Variants in TPPP2 observed in about 807,000 individuals in gnomAD.
TPPP2 encodes the protein tubulin polymerization promoting protein family member 2.
Under a neutral mutation model 13.0 loss-of-function variants are expected in TPPP2, and 8 were observed. That is an observed-to-expected ratio of 0.62 (90% CI 0.36 to 1.11). The LOEUF is 1.11. Ranked by LOEUF, TPPP2 falls within the 50% of genes most tolerant of loss-of-function variation. The probability of loss-of-function intolerance (pLI) is 0.02; values close to 1 mark genes in which losing one functional copy is unlikely to be tolerated. For synonymous variants in TPPP2, 81 were observed against 81.8 expected, an observed-to-expected ratio of 0.99 and a Z score of 0.05; for missense variants, 213 against 216.9, an observed-to-expected ratio of 0.98 and a Z score of 0.11.
chr14:21,030,265 A>C lies in TPPP2; in HGVS notation c.-109A>C. 3.4e-6 allele frequency: 1 copy of C among 290,570 alleles called. No homozygotes were observed. The highest frequency in any genetic ancestry group is 6.6e-6 in the Non-Finnish European group (1 of 151,262). 18.0% of individuals were successfully genotyped at this position (290,570 alleles called of 1,614,324 possible). On this transcript the variant is annotated 5_prime_UTR_variant, in exon 1 of 4. Coordinates refer to ENST00000321760, the MANE Select transcript of TPPP2 (RefSeq NM_173846.5). ...ACATATCTGCACACACTTAAATACAAAGGCCGGGAAGGGTCAGACCACCAT... is the reference window on the plus strand; with the variant it reads ...ACATATCTGCACACACTTAAATACACAGGCCGGGAAGGGTCAGACCACCAT...
chr14:21,024,430 A>T, intron 1 of TPPP2: 1 of 916,164 alleles, frequency 1.1e-6, no homozygotes, highest in Non-Finnish European at 1.3e-6. Context: ...TAGTTACTAC[A>T]TTTGGCCTCA....
exon 1 of TPPP2, chr14:21,024,330 A>C: frequency 1.0e-6 from 1 of 983,716 alleles, no homozygotes; most frequent in Middle Eastern, 5.2e-4. Flanking sequence ...GAGAGAAGGA[A>C]GTGCTGATGT....
At chr14:21,036,069 T>C (rs1884602757), downstream of TPPP2, 1 of 394,382 alleles carries the variant, frequency 2.5e-6, no homozygotes, top group Admixed American at 3.1e-5. Context: ...TATCAAGAGT[T>C]TTTAGACCAG....
chr14:21,035,910 A>C (rs578238613), downstream of TPPP2: 32 of 445,660 alleles, frequency 7.2e-5, no homozygotes, highest in Non-Finnish European at 1.4e-4. Flanking sequence ...TTTTGAGTGA[A>C]ACAGACCAGG....
chr14:21,029,968 C>A (rs1314293049), upstream of TPPP2, among the ~76,000 whole-genome samples: 1 of 152,222 alleles, frequency 6.6e-6, no homozygotes, highest in Non-Finnish European at 1.5e-5. Flanking sequence ...CTCGCCTCAG[C>A]TTCTGTTGTG....
At chr14:21,025,554 C>A (rs1019367577), upstream of TPPP2, 8 of 985,388 alleles carry the variant, frequency 8.1e-6, no homozygotes, top group Non-Finnish European at 9.6e-6. This position sits in a 1 kb window ranked among gnomAD's most constrained non-coding sequence, Gnocchi z 5.1. Context: ...TGGGCGGGAC[C>A]GCCGCTGAGG....
In TPPP2 at chr14:21,032,217, G is replaced by C; in HGVS notation, c.*140G>C. On this transcript the variant is annotated 3_prime_UTR_variant, in exon 4 of 4. Coordinates refer to ENST00000321760, the MANE Select transcript of TPPP2 (RefSeq NM_173846.5). ...ACAGATGAGCCTACTAGTGTAGAGA[G>C]AGGGAGAAGAGGCAGCACAGGAGGG... 2.2e-6 allele frequency: 2 copies of C among 899,884 alleles called. No individual in the cohort carries two copies. Among genetic ancestry groups the C allele is most frequent in the South Asian group, 1.4e-5 (1 of 71,032 alleles). 55.7% of individuals were successfully genotyped at this position (899,884 alleles called of 1,614,324 possible).
intron 3 of TPPP2, 104 bp from the exon 4 acceptor site, chr14:21,031,788 C>A: frequency 7.5e-7 from 1 of 1,325,938 alleles, no homozygotes; most frequent in Non-Finnish European, 1.0e-6. Context: ...AGTGGCAGAG[C>A]AAGAGCTCCA....
chr14:21,025,021 C>A lies in TPPP2; in HGVS notation n.236+677C>A. The A allele has an allele frequency of 2.0e-6, 2 of 986,046 alleles. No homozygotes were observed. Among genetic ancestry groups the A allele is most frequent in the Non-Finnish European group, 2.4e-6 (2 of 830,440 alleles). The allele number at this position is 986,046 out of a possible 1,614,324, so 61.1% of individuals were successfully genotyped here. A position where few individuals can be genotyped will look rare whatever the true frequency, so the allele number is the denominator to read the frequency against. On this transcript the variant is annotated intron_variant and non_coding_transcript_variant, in intron 1 of 1. Transcript: ENST00000533755. This position sits in a 1 kb window ranked among gnomAD's most constrained non-coding sequence, Gnocchi z 5.1. The stretch of plus-strand genomic sequence containing the variant: ...GCCCTACGGCCCCTCGCCTGCCCCT[C>A]CCCCTACCTGCTGCCGCCGCGGCCG...
At chr14:21,025,231 G>A (rs1883287049), upstream of TPPP2, 2 of 850,930 alleles carry the variant, frequency 2.4e-6, no homozygotes, top group Non-Finnish European at 2.8e-6. This position sits in a 1 kb window ranked among gnomAD's most constrained non-coding sequence, Gnocchi z 5.1. Context: ...TTGTGCTGGG[G>A]CCGGGGGGCG....
chr14:21,030,868 C>T (rs1019506909), intron 2 of TPPP2, 114 bp downstream of exon 2: 6 of 1,505,418 alleles, frequency 4.0e-6, no homozygotes, highest in Non-Finnish European at 5.4e-6. Flanking sequence ...CCACAGGGTA[C>T]CTGGCGCTGT....
rs762844868 is a variant in TPPP2 at position 21,024,730 on chromosome 14, G to C, written n.236+386G>C. ...ATGGGTAGGACAGAGGAGACCGGCC[G>C]GGCCCAGCACCCGGAACCCGTCCCT... On this transcript the variant is annotated intron_variant and non_coding_transcript_variant, in intron 1 of 1. Transcript: ENST00000533755. 5.1e-6 allele frequency: 5 copies of C among 985,352 alleles called. No homozygotes were observed. The South Asian group carries it at 1.9e-4, about 37-fold the overall frequency. 61.0% of individuals were successfully genotyped at this position (985,352 alleles called of 1,614,324 possible).
In TPPP2 at chr14:21,032,114, C is replaced by A. The variant is rs1471901460; in HGVS notation, c.*37C>A. On this transcript the variant is annotated 3_prime_UTR_variant, in exon 4 of 4. Transcript: ENST00000321760. ...ATCTCAGCCTGCTAGCCCCCTGACCCTGCATGTTTAACACCAGGGAGCTTG... is the reference window on the plus strand; with the variant it reads ...ATCTCAGCCTGCTAGCCCCCTGACCATGCATGTTTAACACCAGGGAGCTTG... The A allele has an allele frequency of 6.3e-7, 1 of 1,598,174 alleles. No individual in the cohort carries two copies. Among genetic ancestry groups the A allele is most frequent in the Admixed American group, 1.7e-5 (1 of 59,548 alleles).
At chr14:21,025,336 G>A, upstream of TPPP2, 1 of 983,426 alleles carries the variant, frequency 1.0e-6, no homozygotes, top group Non-Finnish European at 1.2e-6. The surrounding 1 kb of genome is among the most constrained non-coding windows in gnomAD (Gnocchi z 5.1). Context: ...GGAGTGCGGG[G>A]ATCCCTCAGC....
At chr14:21,034,888 C>T (rs1245975233), downstream of TPPP2, 1 of 152,808 alleles carries the variant, frequency 6.5e-6, no homozygotes, top group Admixed American at 6.5e-5. Flanking sequence ...TCCTCCTCTA[C>T]AGTGTCATTG....
downstream of TPPP2, among the ~76,000 whole-genome samples, chr14:21,035,174 C>T (rs375817834): frequency 2.0e-5 from 3 of 152,348 alleles, no homozygotes; most frequent in East Asian, 3.9e-4. Context: ...GGACTCCCCA[C>T]GGTCCCTATC....
rs3818613 is a variant in TPPP2 at position 21,032,252 on chromosome 14, C to A, written c.*175C>A. Reference sequence around the variant, plus strand: ...AGGCAGCACAGGAGGGTGGGTTCTCCACCACACACCCTTCGCTCTGCTTAG... The same window carrying A: ...AGGCAGCACAGGAGGGTGGGTTCTCAACCACACACCCTTCGCTCTGCTTAG... On this transcript the variant is annotated 3_prime_UTR_variant, in exon 4 of 4. Coordinates refer to ENST00000321760, the MANE Select transcript of TPPP2 (RefSeq NM_173846.5). 225,443 of 716,940 alleles carry A rather than the reference C, an allele frequency of 0.31. 36,811 individuals carry two copies. Among genetic ancestry groups the A allele is most frequent in the East Asian group, 0.39 (14,061 of 36,032 alleles). 44.4% of individuals were successfully genotyped at this position (716,940 alleles called of 1,614,324 possible).
Position 21,032,193 on chromosome 14 carries a change from C to G in TPPP2, c.*116C>G, listed in dbSNP as rs1216899205. ...AGCCAAAATCTCTGTCTGTGAGGGA[C>G]AGATGAGCCTACTAGTGTAGAGAGA... On this transcript the variant is annotated 3_prime_UTR_variant, in exon 4 of 4. Transcript: ENST00000321760. The G allele has an allele frequency of 3.7e-6, 4 of 1,074,940 alleles. No individual in the cohort carries two copies. Among genetic ancestry groups the G allele is most frequent in the East Asian group, 2.5e-5 (1 of 40,220 alleles). 66.6% of individuals were successfully genotyped at this position (1,074,940 alleles called of 1,614,324 possible).
In TPPP2 at chr14:21,025,021, C is replaced by G. The variant is rs1216726629; in HGVS notation, n.236+677C>G. ...GCCCTACGGCCCCTCGCCTGCCCCT[C>G]CCCCTACCTGCTGCCGCCGCGGCCG... On this transcript the variant is annotated intron_variant and non_coding_transcript_variant, in intron 1 of 1. Transcript: ENST00000533755. This position sits in a 1 kb window ranked among gnomAD's most constrained non-coding sequence, Gnocchi z 5.1. 14 of 985,932 alleles carry G rather than the reference C, an allele frequency of 1.4e-5. No homozygotes were observed. The highest frequency in any genetic ancestry group is 1.7e-5 in the Non-Finnish European group (14 of 830,448). 61.1% of individuals were successfully genotyped at this position (985,932 alleles called of 1,614,324 possible). A position where few individuals can be genotyped will look rare whatever the true frequency, so the allele number is the denominator to read the frequency against.
Sources: allele counts gnomAD v4.1 joint callset (sites outside exome capture counted in the v4.1 genomes callset), GRCh38; gene constraint gnomAD v4.1.1; non-coding constraint Gnocchi (gnomAD v3.1); transcripts MANE v1.5; gene names NCBI Gene and HGNC (gene_info 2026-07-23, HGNC 2026-07-21).